Variants in DNAJC3 observed in about 807,000 individuals in gnomAD.
DNAJC3 encodes the protein dnaJ homolog subfamily C member 3.
Under a neutral mutation model 68.6 loss-of-function variants are expected in DNAJC3, and 38 were observed. The ratio of observed to expected loss-of-function variants is 0.55; its 90% CI spans 0.43 to 0.73. DNAJC3 has a LOEUF of 0.73. Among genes scored for constraint, DNAJC3 ranks in the 30% least tolerant of loss-of-function variants. DNAJC3 has a pLI of 0.00. For missense variants in DNAJC3, 526 were observed against 591.9 expected (o/e 0.89, Z 1.16); for synonymous variants, 203 against 204.0 (o/e 1.00, Z 0.04).
At chr13:95,709,198 T>G in intron 1 of DNAJC3, 29 bp from the exon 2 acceptor site, 1 of 1,460,778 alleles carries the variant, frequency 6.8e-7, no homozygotes. Context: ...CGTGGAAAGT[T>G]AACTGATTGT....
At chr13:95,728,479 A>G (rs193261751) in intron 4 of DNAJC3, among the ~76,000 whole-genome samples, 2 of 152,196 alleles carry the variant, frequency 1.3e-5, no homozygotes, top group Non-Finnish European at 2.9e-5. Flanking sequence ...CTTTTCAGTG[A>G]AATTTCTGTT....
intron 4 of DNAJC3, chr13:95,745,547 AG>A (rs745672229): frequency 6.6e-6 from 1 of 152,232 alleles, no homozygotes; most frequent in Non-Finnish European, 1.5e-5. Context: ...GTGAGTCACA[AG>A]GATAGCTAGC....
At chr13:95,716,657 C>T (rs747454091) in intron 2 of DNAJC3, among the ~76,000 whole-genome samples, 13 of 152,206 alleles carry the variant, frequency 8.5e-5, no homozygotes, top group Non-Finnish European at 1.6e-4. Flanking sequence ...CCTCTGGAGT[C>T]GGGCTGCCCA....
intron 2 of DNAJC3, among the ~76,000 whole-genome samples, chr13:95,715,483 CTTTT>C (rs374834820): frequency 3.6e-5 from 5 of 138,996 alleles, no homozygotes; most frequent in Admixed American, 7.2e-5. Context: ...GTTTCTTTTT[CTTTT>C]TTTTTTTTTT....
At chr13:95,786,178 T>A in intron 10 of DNAJC3, 107 bp downstream of exon 10, 1 of 1,211,218 alleles carries the variant, frequency 8.3e-7, no homozygotes, top group Non-Finnish European at 1.1e-6. Flanking sequence ...TTATGTAATT[T>A]CAGTCATATG....
At chr13:95,692,601 C>G (rs927675591) in intron 1 of DNAJC3, 1 of 152,068 alleles carries the variant, frequency 6.6e-6, no homozygotes. Flanking sequence ...AGGAGTTTTT[C>G]TGCTCATCTG....
chr13:95,681,162 A>G (rs1343462779), intron 1 of DNAJC3, among the ~76,000 whole-genome samples: 4 of 152,178 alleles, frequency 2.6e-5, no homozygotes, highest in Non-Finnish European at 5.9e-5. Context: ...TGAGTGGTCC[A>G]TTATTGTAGT....
intron 3 of DNAJC3, among the ~76,000 whole-genome samples, chr13:95,724,668 C>G (rs577861472): frequency 6.6e-6 from 1 of 152,096 alleles, no homozygotes; most frequent in Non-Finnish European, 1.5e-5. Context: ...GCGGTCACTC[C>G]CCATTGCTCC....
chr13:95,704,697 A>G (rs1016230446), intron 1 of DNAJC3, among the ~76,000 whole-genome samples: 13 of 152,080 alleles, frequency 8.5e-5, no homozygotes, highest in African/African-American at 2.7e-4. Flanking sequence ...AATAAAATCA[A>G]TCTGCCACTA....
intron 9 of DNAJC3, among the ~76,000 whole-genome samples, chr13:95,780,447 C>T (rs567071822): frequency 3.9e-5 from 6 of 152,282 alleles, no homozygotes; most frequent in East Asian, 1.9e-4. Flanking sequence ...TCAGGGTAAG[C>T]GCATACTCAT....
At chr13:95,785,891 T>C (rs1195651806) in intron 9 of DNAJC3, 48 bp from the exon 10 acceptor site, 1 of 1,501,280 alleles carries the variant, frequency 6.7e-7, no homozygotes, top group Non-Finnish European at 8.9e-7. Flanking sequence ...GAAAAGGCAA[T>C]AAATTATAAT....
chr13:95,735,818 T>C (rs1183112541), intron 4 of DNAJC3, among the ~76,000 whole-genome samples: 1 of 152,222 alleles, frequency 6.6e-6, no homozygotes, highest in East Asian at 1.9e-4. Context: ...AGAAGCTCTT[T>C]AGTTTAATTA....
chr13:95,681,955 A>G (rs1879926283), intron 1 of DNAJC3, among the ~76,000 whole-genome samples: 1 of 152,194 alleles, frequency 6.6e-6, no homozygotes, highest in African/African-American at 2.4e-5. Flanking sequence ...GAAATACATT[A>G]AATGTCTCTA....
At chr13:95,740,134 G>A (rs1882079507) in intron 4 of DNAJC3, among the ~76,000 whole-genome samples, 2 of 152,236 alleles carry the variant, frequency 1.3e-5, no homozygotes, top group Admixed American at 1.3e-4. Flanking sequence ...GGGGGTCGGG[G>A]TCAGGGACCC....
chr13:95,783,467 CCTTA>C, intron 9 of DNAJC3, among the ~76,000 whole-genome samples: 1 of 152,244 alleles, frequency 6.6e-6, no homozygotes, highest in East Asian at 1.9e-4. Context: ...AGGTCTGTTT[CCTTA>C]CTAAGCTATG....
At chr13:95,739,517 T>C (rs1882051925) in intron 4 of DNAJC3, among the ~76,000 whole-genome samples, 2 of 151,220 alleles carry the variant, frequency 1.3e-5, no homozygotes, top group Admixed American at 1.3e-4. Context: ...GAGGCTTTGC[T>C]CATTTCTTTT....
intron 9 of DNAJC3, among the ~76,000 whole-genome samples, chr13:95,776,152 C>T (rs1883285714): frequency 6.6e-6 from 1 of 152,044 alleles, no homozygotes; most frequent in African/African-American, 2.4e-5. Flanking sequence ...ATAATGTCTT[C>T]ATCTTTCTTG....
chr13:95,742,837 A>G (rs531460175), intron 4 of DNAJC3: 1 of 518,926 alleles, frequency 1.9e-6, no homozygotes. Flanking sequence ...GTTTGGTGTC[A>G]TGTCTAAGAA....
intron 9 of DNAJC3, among the ~76,000 whole-genome samples, chr13:95,773,926 G>A (rs1338327409): frequency 2.6e-5 from 4 of 151,566 alleles, no homozygotes; most frequent in African/African-American, 7.3e-5. Flanking sequence ...TAGTAGAGAC[G>A]GGGTTTCACC....
Sources: allele counts gnomAD v4.1 joint callset (sites outside exome capture counted in the v4.1 genomes callset), GRCh38; gene constraint gnomAD v4.1.1; transcripts MANE v1.5; gene names NCBI Gene and HGNC (gene_info 2026-07-23, HGNC 2026-07-21).